FGF14: variants seen among roughly 807,000 people sequenced by gnomAD.
FGF14 encodes the protein fibroblast growth factor homologous factor 4.
FGF14 carries 5 observed loss-of-function variants against 25.5 expected under a neutral mutation model. That is an observed-to-expected ratio of 0.20 (90% CI 0.10 to 0.41). The LOEUF (loss-of-function observed/expected upper bound fraction) is 0.41. Among genes scored for constraint, FGF14 ranks in the 10% least tolerant of loss-of-function variants. The pLI, the probability that FGF14 is intolerant of heterozygous loss-of-function variation, is 1.00. For missense variants in FGF14, 222 were observed against 320.1 expected (o/e 0.69, Z 2.34); for synonymous variants, 138 against 118.3 (o/e 1.17, Z -1.08).
intron 1 of FGF14, chr13:102,292,745 A>G (rs1008497784): frequency 2.0e-5 from 3 of 152,222 alleles, no homozygotes; most frequent in African/African-American, 7.2e-5. Context: ...CCCACATAAT[A>G]AACAGCAGGA....
intron 1 of FGF14, among the ~76,000 whole-genome samples, chr13:101,953,897 T>C (rs904714709): frequency 3.3e-5 from 5 of 152,106 alleles, no homozygotes; most frequent in African/African-American, 1.2e-4. Context: ...GCCAGCTTTC[T>C]AGATTTTTAC....
At chr13:102,287,138 A>T (rs1212271881) in intron 1 of FGF14, among the ~76,000 whole-genome samples, 1 of 152,202 alleles carries the variant, frequency 6.6e-6, no homozygotes, top group Non-Finnish European at 1.5e-5. Flanking sequence ...AAAAAAAAAG[A>T]ACAAACAGAA....
chr13:102,268,316 CTT>C (rs2053089315), intron 1 of FGF14, among the ~76,000 whole-genome samples: 3 of 152,018 alleles, frequency 2.0e-5, no homozygotes, highest in Non-Finnish European at 4.4e-5. Flanking sequence ...TTAAAAAAAA[CTT>C]TTTCCTTATT....
chr13:102,161,318 G>A (rs2047613636), intron 1 of FGF14, among the ~76,000 whole-genome samples: 2 of 151,886 alleles, frequency 1.3e-5, no homozygotes, highest in Admixed American at 6.6e-5. Context: ...TCTAAACAAT[G>A]AATTATTATC....
At chr13:102,291,535 C>T (rs2054397492) in intron 1 of FGF14, among the ~76,000 whole-genome samples, 1 of 152,124 alleles carries the variant, frequency 6.6e-6, no homozygotes, top group Admixed American at 6.6e-5. Context: ...TAAATAACTG[C>T]ATAGGTGTAA....
At position 102,036,473 on chromosome 13, in the gene FGF14, G is replaced by T. The variant is rs1247231832; in HGVS notation, c.209-161177C>A. 2.6e-5 allele frequency among the ~76,000 whole-genome samples: 4 copies of T among 152,158 alleles called. No homozygotes were observed. In the East Asian group the frequency reaches 7.7e-4, roughly 29 times the overall value. ...CCACTCGAGGGTGCTCCTGAAATGGGAGAGAGGGAAGCAGCTCAGGTTCAA... is the reference window on the plus strand; with the variant it reads ...CCACTCGAGGGTGCTCCTGAAATGGTAGAGAGGGAAGCAGCTCAGGTTCAA... On this transcript the variant is annotated intron_variant, in intron 1 of 4. Coordinates refer to the FGF14 transcript ENST00000376131.
intron 3 of FGF14, among the ~76,000 whole-genome samples, chr13:101,806,454 T>A (rs1594316775): frequency 6.6e-6 from 1 of 150,876 alleles, no homozygotes. Flanking sequence ...GAAAAATATA[T>A]GTATATGTAC....
chr13:102,018,313 G>T (rs567653428), intron 1 of FGF14, among the ~76,000 whole-genome samples: 2 of 152,002 alleles, frequency 1.3e-5, no homozygotes, highest in African/African-American at 4.8e-5. Context: ...CCCAGAGTCC[G>T]CAACCAAATA....
intron 1 of FGF14, among the ~76,000 whole-genome samples, chr13:102,111,279 A>G (rs1005054009): frequency 6.6e-6 from 1 of 152,216 alleles, no homozygotes; most frequent in African/African-American, 2.4e-5. Context: ...TAAGCTCACC[A>G]AAGCAAGAAC....
rs548059060 is a variant in FGF14 at position 102,216,956 on chromosome 13, G to A, written c.208+184515C>T. The stretch of plus-strand genomic sequence containing the variant: ...TTTCACTTAACATAATGTCCTCCAA[G>A]GTTCATTCATGTTGCCACGAATGAC... On this transcript the variant is annotated intron_variant, in intron 1 of 4. Coordinates refer to the FGF14 transcript ENST00000376131. Among the ~76,000 whole-genome samples, 366 of 152,172 alleles carry A rather than the reference G, an allele frequency of 2.4e-3. 1 individual carries two copies. The highest frequency in any genetic ancestry group is 8.1e-3 in the African/African-American group (337 of 41,500).
rs143966848 is a variant in FGF14 at position 102,256,858 on chromosome 13, A to C, written c.208+144613T>G. 9.2e-4 allele frequency among the ~76,000 whole-genome samples: 140 copies of C among 152,358 alleles called. 1 individual carries two copies. The highest frequency in any genetic ancestry group is 3.2e-3 in the African/African-American group (132 of 41,584). ...TTATATGTTATGCAATATCAGGTTTATAAATTAAATCTAAGTAGTTTGAGT... is the reference window on the plus strand; with the variant it reads ...TTATATGTTATGCAATATCAGGTTTCTAAATTAAATCTAAGTAGTTTGAGT... On this transcript the variant is annotated intron_variant, in intron 1 of 4. Coordinates refer to the FGF14 transcript ENST00000376131.
At chr13:102,314,535 T>C (rs2055926640) in intron 1 of FGF14, among the ~76,000 whole-genome samples, 1 of 152,188 alleles carries the variant, frequency 6.6e-6, no homozygotes, top group Admixed American at 6.6e-5. Context: ...AAGGATCCAA[T>C]GATTAATAAA....
At chr13:101,818,884 C>A (rs2041974117) in intron 3 of FGF14, among the ~76,000 whole-genome samples, 1 of 152,086 alleles carries the variant, frequency 6.6e-6, no homozygotes, top group South Asian at 2.1e-4. Flanking sequence ...CTATTTTTCC[C>A]AACATTCGTT....
In FGF14 at chr13:101,926,859, C is replaced by T. The variant is rs536388746; in HGVS notation, c.209-51563G>A. 4.6e-5 allele frequency among the ~76,000 whole-genome samples: 7 copies of T among 152,228 alleles called. No individual in the cohort carries two copies. In the South Asian group the frequency reaches 1.5e-3, roughly 32 times the overall value. ...ATGAACTCCTTAGGTAAGAATTTGC[C>T]TTAACCGTATAGGTTGACACTGACT... On this transcript the variant is annotated intron_variant, in intron 1 of 4. Transcript: ENST00000376131.
At position 101,943,806 on chromosome 13, in the gene FGF14, TCTACTTAAA is replaced by T. The variant is rs1315833259; in HGVS notation, c.209-68519_209-68511del. Among the ~76,000 whole-genome samples, 536 of 124,028 alleles carry T rather than the reference TCTACTTAAA, an allele frequency of 4.3e-3. 3 individuals carry two copies. The highest frequency in any genetic ancestry group is 5.8e-3 in the Non-Finnish European group (368 of 63,106). The allele number at this position is 124,028 out of a possible 152,430, so 81.4% of individuals were successfully genotyped here. A position where few individuals can be genotyped will look rare whatever the true frequency, so the allele number is the denominator to read the frequency against. ...CTGACCAACATGGAGAATCCCTGTC[TCTACTTAAA>T]AAAAAAAAAAAATATATATATATAT... On this transcript the variant is annotated intron_variant, in intron 1 of 4. Transcript: ENST00000376131.
At chr13:102,286,219 G>A (rs767041678) in intron 1 of FGF14, among the ~76,000 whole-genome samples, 29 of 152,140 alleles carry the variant, frequency 1.9e-4, no homozygotes, top group South Asian at 6.2e-4. Flanking sequence ...CATGCATTAT[G>A]AGCACTAACT....
Position 101,981,327 on chromosome 13 carries a change from C to T in FGF14, c.209-106031G>A, listed in dbSNP as rs147751502. On this transcript the variant is annotated intron_variant, in intron 1 of 4. Transcript: ENST00000376131. ...CCCCAGTAAGCTGCCTTGCCCCTTC[C>T]GCCATGTAAGGACACAGCTAGAAGG... Among the ~76,000 whole-genome samples the T allele has an allele frequency of 1.9e-3, 287 of 152,148 alleles. 5 individuals are homozygous for T. Among genetic ancestry groups the T allele is most frequent in the African/African-American group, 6.4e-3 (265 of 41,538 alleles).
intron 3 of FGF14, among the ~76,000 whole-genome samples, chr13:101,764,643 T>G (rs1180892269): frequency 1.3e-5 from 2 of 152,180 alleles, no homozygotes; most frequent in Admixed American, 6.5e-5. Context: ...GCCATGTCAT[T>G]CTTTGTCATA....
At chr13:101,906,214 T>G (rs1323212507) in intron 1 of FGF14, among the ~76,000 whole-genome samples, 1 of 152,180 alleles carries the variant, frequency 6.6e-6, no homozygotes, top group African/African-American at 2.4e-5. Flanking sequence ...TGAAATTCTC[T>G]TCATGAAAAC....
Sources: allele counts gnomAD v4.1 joint callset (sites outside exome capture counted in the v4.1 genomes callset), GRCh38; gene constraint gnomAD v4.1.1; transcripts MANE v1.5; gene names NCBI Gene and HGNC (gene_info 2026-07-23, HGNC 2026-07-21).